ZNF423: variants seen among roughly 807,000 people sequenced by gnomAD.
The protein encoded by ZNF423 is Ebf-associated zinc finger protein.
In ZNF423, 12 loss-of-function variants were observed where a neutral mutation model predicts 95.8. The observed-to-expected ratio is 0.13, with a 90% CI of 0.08 to 0.20. The LOEUF is 0.20. Among genes scored for constraint, ZNF423 ranks in the 10% least tolerant of loss-of-function variants. ZNF423 has a pLI of 1.00. For synonymous variants in ZNF423, 749 were observed against 711.9 expected (o/e 1.05, Z -0.83); for missense variants, 1,316 against 1,737.1 (o/e 0.76, Z 4.31).
At chr16:49,836,969 T>C (rs2035126952) in intron 1 of ZNF423, among the ~76,000 whole-genome samples, 3 of 152,130 alleles carry the variant, frequency 2.0e-5, no homozygotes, top group Admixed American at 1.3e-4. Context: ...AGCCAACAGA[T>C]ACAGGAAATT....
chr16:49,685,714 C>G (rs995581412), intron 3 of ZNF423, among the ~76,000 whole-genome samples: 1 of 152,210 alleles, frequency 6.6e-6, no homozygotes, highest in Non-Finnish European at 1.5e-5. Context: ...CAGCACCATC[C>G]TCTCCATGTC....
At chr16:49,717,104 C>T (rs1276655069) in intron 3 of ZNF423, among the ~76,000 whole-genome samples, 2 of 152,174 alleles carry the variant, frequency 1.3e-5, no homozygotes, top group African/African-American at 4.8e-5. Context: ...AACATCACTC[C>T]TTACACATAG....
chr16:49,736,581 C>T (rs542213898), intron 2 of ZNF423, among the ~76,000 whole-genome samples: 1 of 152,248 alleles, frequency 6.6e-6, no homozygotes, highest in African/African-American at 2.4e-5. Context: ...GACAGGAGAA[C>T]CTATGGAGTT....
chr16:49,622,394 A>T (rs1476026165), intron 5 of ZNF423, among the ~76,000 whole-genome samples: 1 of 127,938 alleles, frequency 7.8e-6, no homozygotes, highest in Non-Finnish European at 1.6e-5. Context: ...TGGCCAAGCC[A>T]AGCACCTACA....
intron 1 of ZNF423, among the ~76,000 whole-genome samples, chr16:49,811,648 G>A (rs1231911581): frequency 6.6e-6 from 1 of 152,174 alleles, no homozygotes; most frequent in East Asian, 1.9e-4. Context: ...GAAAGAAAAG[G>A]GAGCCATTTC....
At position 49,523,676 on chromosome 16, in the gene ZNF423, A is replaced by G; in HGVS notation, c.3797T>C (p.Ile1266Thr). 6.2e-7 allele frequency: 1 copy of G among 1,614,182 alleles called. No individual in the cohort carries two copies. Among genetic ancestry groups the G allele is most frequent in the Non-Finnish European group, 8.5e-7 (1 of 1,180,040 alleles). The change falls in exon 7 of 8, where the codon ATC becomes ACC. Residue 1266 changes from isoleucine (I) to threonine (T), a missense_variant. Transcript: ENST00000563137. ...IFAVHGQEDK[I>T]YDCSQCPQKF... is the part of the protein sequence containing the mutation. ...CTGAGGGCACTGTGAGCAGTCGTAGATCTTGTCCTCCTGCCCGTGCACGGC... is the reference window on the plus strand; with the variant it reads ...CTGAGGGCACTGTGAGCAGTCGTAGGTCTTGTCCTCCTGCCCGTGCACGGC...
At chr16:49,724,525 G>A (rs568000766) in intron 3 of ZNF423, among the ~76,000 whole-genome samples, 8 of 152,310 alleles carry the variant, frequency 5.3e-5, no homozygotes, top group Non-Finnish European at 1.0e-4. Context: ...GAGCCAGTTC[G>A]AGGAGCGCCG....
chr16:49,698,801 G>A (rs1047658808), intron 3 of ZNF423, among the ~76,000 whole-genome samples: 5 of 152,210 alleles, frequency 3.3e-5, no homozygotes, highest in Non-Finnish European at 7.3e-5. Flanking sequence ...CGCCGGAGCC[G>A]CCTGCATCAT....
At chr16:49,529,269 A>G (rs960229532) in intron 5 of ZNF423, among the ~76,000 whole-genome samples, 1 of 152,018 alleles carries the variant, frequency 6.6e-6, no homozygotes, top group African/African-American at 2.4e-5. Context: ...CCTGTTCCCC[A>G]TAAGTCGAGG....
chr16:49,579,979 G>A (rs935561187), intron 5 of ZNF423, among the ~76,000 whole-genome samples: 2 of 152,198 alleles, frequency 1.3e-5, no homozygotes, highest in African/African-American at 2.4e-5. Context: ...ACCATGGACT[G>A]TCATCTCCAG....
intron 7 of ZNF423, chr16:49,518,257 C>T (rs1279756896): frequency 5.2e-6 from 2 of 386,170 alleles, no homozygotes; most frequent in Non-Finnish European, 1.0e-5. Context: ...CTTGCATGTG[C>T]AGACAAACAT....
intron 5 of ZNF423, among the ~76,000 whole-genome samples, chr16:49,563,600 G>C (rs1314431513): frequency 6.6e-6 from 1 of 152,236 alleles, no homozygotes; most frequent in Non-Finnish European, 1.5e-5. Context: ...CAAAGTCATA[G>C]AGCCAGGAAG....
intron 7 of ZNF423, among the ~76,000 whole-genome samples, chr16:49,498,047 G>T (rs1967233666): frequency 2.6e-5 from 4 of 152,192 alleles, no homozygotes; most frequent in Admixed American, 2.0e-4. Flanking sequence ...GTGAGAGCTT[G>T]AGAGATGGTT....
intron 1 of ZNF423, among the ~76,000 whole-genome samples, chr16:49,825,635 A>G (rs2034997271): frequency 6.6e-6 from 1 of 152,178 alleles, no homozygotes; most frequent in South Asian, 2.1e-4. Context: ...CAGCAAGAAA[A>G]AAAAAATCTT....
At chr16:49,810,922 C>T (rs1487770340) in intron 1 of ZNF423, among the ~76,000 whole-genome samples, 1 of 152,092 alleles carries the variant, frequency 6.6e-6, no homozygotes, top group Admixed American at 6.5e-5. Context: ...AAGAAGTTCA[C>T]GGGCCCACGA....
intron 2 of ZNF423, among the ~76,000 whole-genome samples, chr16:49,773,481 G>C (rs780536663): frequency 6.6e-6 from 1 of 152,184 alleles, no homozygotes; most frequent in African/African-American, 2.4e-5. Flanking sequence ...CAAGAGATTT[G>C]GGTGGGGACA....
At chr16:49,623,668 G>A (rs1972160815) in intron 5 of ZNF423, among the ~76,000 whole-genome samples, 1 of 152,198 alleles carries the variant, frequency 6.6e-6, no homozygotes, top group Non-Finnish European at 1.5e-5. Context: ...TTCAGACGGA[G>A]AAATTAAGAA....
intron 3 of ZNF423, among the ~76,000 whole-genome samples, chr16:49,717,269 T>C (rs2032735593): frequency 6.6e-6 from 1 of 151,956 alleles, no homozygotes; most frequent in Non-Finnish European, 1.5e-5. Context: ...AATAAAAGCA[T>C]CAGCCACTCA....
chr16:49,835,744 G>T (rs1056151623), intron 1 of ZNF423, among the ~76,000 whole-genome samples: 1 of 152,206 alleles, frequency 6.6e-6, no homozygotes, highest in Admixed American at 6.5e-5. Flanking sequence ...GTGGTGGGGG[G>T]GCAGAGGATG....
Sources: allele counts gnomAD v4.1 joint callset (sites outside exome capture counted in the v4.1 genomes callset), GRCh38; gene constraint gnomAD v4.1.1; transcripts MANE v1.5; gene names NCBI Gene and HGNC (gene_info 2026-07-23, HGNC 2026-07-21).